The following SDCCAG8 variants were observed in gnomAD, a reference collection of about 807,000 sequenced individuals.
SDCCAG8 encodes the protein serologically defined colon cancer antigen 8.
In SDCCAG8, 74 loss-of-function variants were observed where a neutral mutation model predicts 101.8. That is an observed-to-expected ratio of 0.73 (90% confidence interval 0.60 to 0.88). SDCCAG8 has a LOEUF of 0.88. Ranked by LOEUF, SDCCAG8 falls within the 40% of genes least tolerant of loss-of-function variation. The pLI is 0.00. For synonymous variants in SDCCAG8, 281 were observed against 292.9 expected (o/e 0.96, Z 0.41); for missense variants, 787 against 822.6 (o/e 0.96, Z 0.53).
chr1:243,352,603 T>C (rs1281090185), intron 12 of SDCCAG8, among the ~76,000 whole-genome samples: 2 of 152,238 alleles, frequency 1.3e-5, no homozygotes, highest in Non-Finnish European at 2.9e-5. Flanking sequence ...GCTTTCTTTT[T>C]GTTTATAGTC....
chr1:243,415,979 G>A, intron 14 of SDCCAG8, 150 bp downstream of exon 14: 1 of 922,810 alleles, frequency 1.1e-6, no homozygotes, highest in Non-Finnish European at 1.6e-6. Flanking sequence ...TTACATATTA[G>A]TTAGCGTTTA....
intron 13 of SDCCAG8, among the ~76,000 whole-genome samples, chr1:243,391,623 A>G (rs1412081746): frequency 2.0e-5 from 3 of 152,160 alleles, no homozygotes; most frequent in Admixed American, 2.0e-4. Flanking sequence ...TCAGAATATC[A>G]AAGGGATTCC....
chr1:243,430,923 G>A (rs1010311550), intron 16 of SDCCAG8, among the ~76,000 whole-genome samples: 2 of 152,154 alleles, frequency 1.3e-5, no homozygotes, highest in Non-Finnish European at 2.9e-5. Context: ...TATGGGCCGG[G>A]CGTGGTGGCT....
chr1:243,416,331 G>A lies in SDCCAG8; in HGVS notation c.1744+502G>A, dbSNP rs2080583288. 4.6e-5 allele frequency among the ~76,000 whole-genome samples: 7 copies of A among 152,182 alleles called. No individual in the cohort carries two copies. Among genetic ancestry groups the A allele is most frequent in the Admixed American group, 4.6e-4 (7 of 15,268 alleles). On this transcript the variant is annotated intron_variant, in intron 14 of 17. Transcript: ENST00000366541. This position sits in a 1 kb window ranked among gnomAD's most constrained non-coding sequence, Gnocchi z 4.3. The stretch of plus-strand genomic sequence containing the variant: ...GCATCCAAACTGGAGAAAAGCTTTA[G>A]CCATTAATCGGTTCTTAATTCACTG...
At chr1:243,380,948 G>GT (rs1010542132) in intron 13 of SDCCAG8, among the ~76,000 whole-genome samples, 24 of 150,142 alleles carry the variant, frequency 1.6e-4, no homozygotes, top group African/African-American at 4.6e-4. Flanking sequence ...TGTTTTTTTG[G>GT]TTTTTTTTTG....
chr1:243,330,440 G>T, intron 9 of SDCCAG8, 100 bp from the exon 10 acceptor site: 1 of 1,227,902 alleles, frequency 8.1e-7, no homozygotes, highest in Non-Finnish European at 1.2e-6. Flanking sequence ...TTTATAGTGA[G>T]TTTTTGCTAT....
chr1:243,499,698 G>C, intron 17 of SDCCAG8, 58 bp from the exon 18 acceptor site: 1 of 1,355,706 alleles, frequency 7.4e-7, no homozygotes, highest in Non-Finnish European at 1.1e-6. Flanking sequence ...CAAATGAGAA[G>C]ACAAATAACA....
chr1:243,314,378 C>T (rs1290618535), intron 8 of SDCCAG8, among the ~76,000 whole-genome samples: 1 of 152,192 alleles, frequency 6.6e-6, no homozygotes, highest in Non-Finnish European at 1.5e-5. Flanking sequence ...AGTTAATATT[C>T]TGAAACACTT....
intron 1 of SDCCAG8, chr1:243,267,408 G>C: frequency 3.4e-6 from 1 of 292,998 alleles, no homozygotes; most frequent in Non-Finnish European, 6.6e-6. Flanking sequence ...AGACCAGCCT[G>C]ACCAACGTGG....
intron 16 of SDCCAG8, among the ~76,000 whole-genome samples, chr1:243,433,019 T>C (rs946538628): frequency 1.3e-5 from 2 of 152,086 alleles, no homozygotes; most frequent in African/African-American, 4.8e-5. Context: ...TGGGTTGGGA[T>C]ACCAAGCACT....
At chr1:243,286,483 T>A in intron 5 of SDCCAG8, 86 bp downstream of exon 5, 3 of 1,461,632 alleles carry the variant, frequency 2.1e-6, no homozygotes, top group Non-Finnish European at 2.8e-6. Context: ...CTGCTTAGAT[T>A]TTCTCCCTGA....
chr1:243,327,370 A>T (rs186759539), intron 9 of SDCCAG8, among the ~76,000 whole-genome samples: 2 of 145,974 alleles, frequency 1.4e-5, no homozygotes, highest in African/African-American at 5.0e-5. Flanking sequence ...TTATAATTTT[A>T]TAGAAATTAA....
chr1:243,376,367 G>A (rs1384596928), intron 12 of SDCCAG8, among the ~76,000 whole-genome samples: 1 of 152,160 alleles, frequency 6.6e-6, no homozygotes, highest in Non-Finnish European at 1.5e-5. Flanking sequence ...CAAGGTCACA[G>A]AAAAGTGCCA....
chr1:243,256,384 G>A (rs963658734), intron 1 of SDCCAG8, 144 bp downstream of exon 1: 3 of 708,912 alleles, frequency 4.2e-6, no homozygotes, highest in Non-Finnish European at 7.7e-6. Flanking sequence ...TGGTCTTGAG[G>A]AGGATGAAAT....
Position 243,256,144 on chromosome 1 carries a change from A to AGCTGG in SDCCAG8, c.-30_-29insGCTGG, listed in dbSNP as rs2066637121. Reference sequence around the variant, plus strand: ...GAGAAAGCTGGACATTTCCCCACGTAACTCCCAGCTCTGGGCCTAGAGTGC... The same window carrying AGCTGG: ...GAGAAAGCTGGACATTTCCCCACGTAGCTGGACTCCCAGCTCTGGGCCTAGAGTGC... On this transcript the variant is annotated 5_prime_UTR_variant, in exon 1 of 18. Coordinates refer to ENST00000366541, the MANE Select transcript of SDCCAG8 (RefSeq NM_006642.5). 1 of 1,605,658 alleles carries AGCTGG rather than the reference A, an allele frequency of 6.2e-7. No homozygotes were observed. Among genetic ancestry groups the AGCTGG allele is most frequent in the African/African-American group, 1.3e-5 (1 of 74,768 alleles).
intron 10 of SDCCAG8, among the ~76,000 whole-genome samples, chr1:243,337,089 AC>A: frequency 6.6e-6 from 1 of 152,150 alleles, no homozygotes. Context: ...CATGTAGGAA[AC>A]ACCCGGAATG....
At chr1:243,270,934 G>T in intron 2 of SDCCAG8, 44 bp from the exon 3 acceptor site, 1 of 1,393,696 alleles carries the variant, frequency 7.2e-7, no homozygotes, top group Non-Finnish European at 1.0e-6. Context: ...AAGAAACCAT[G>T]GATCTCAAAT....
At chr1:243,318,329 A>C (rs1367653486) in intron 9 of SDCCAG8, among the ~76,000 whole-genome samples, 2 of 152,202 alleles carry the variant, frequency 1.3e-5, no homozygotes, top group Non-Finnish European at 2.9e-5. Context: ...CAAAGTAGGA[A>C]ACCACAGACA....
chr1:243,283,429 A>G (rs971963652), intron 4 of SDCCAG8, among the ~76,000 whole-genome samples: 1 of 149,076 alleles, frequency 6.7e-6, no homozygotes, highest in Non-Finnish European at 1.5e-5. Context: ...ATGTATATAT[A>G]TATATTTATT....
Sources: gnomAD v4.1 joint callset for allele counts (sites outside exome capture counted in the v4.1 genomes callset) on GRCh38, gnomAD v4.1.1 for gene constraint, Gnocchi (gnomAD v3.1) non-coding constraint, MANE v1.5 for transcripts, NCBI Gene and HGNC (gene_info 2026-07-23, HGNC 2026-07-21) for gene names.